The following TMEM80 variants were observed in gnomAD, a reference collection of about 807,000 sequenced individuals.
TMEM80 encodes transmembrane protein 80.
Under a neutral mutation model 13.6 loss-of-function variants are expected in TMEM80, and 16 were observed. That is an observed-to-expected ratio of 1.17 (90% CI 0.79 to 1.78). The LOEUF (loss-of-function observed/expected upper bound fraction) is 1.78, where lower values mean the gene tolerates loss of function less well. Ranked by LOEUF, TMEM80 falls within the 40% of genes most tolerant of loss-of-function variation. The pLI, the probability that TMEM80 is intolerant of heterozygous loss-of-function variation, is 0.00. For synonymous variants in TMEM80, 92 were observed against 89.5 expected, an observed-to-expected ratio of 1.03 and a Z score of -0.16; for missense variants, 167 against 184.6, an observed-to-expected ratio of 0.90 and a Z score of 0.55.
At chr11:697,601 C>T (rs551747277) in intron 1 of TMEM80, 2 of 152,184 alleles carry the variant, frequency 1.3e-5, no homozygotes, top group African/African-American at 4.8e-5. Flanking sequence ...CTAGCAGACA[C>T]ATTGGAAGTG....
Position 704,113 on chromosome 11 carries a change from G to A in TMEM80, c.*963G>A, listed in dbSNP as rs932721277. ...CACCGCATTTTGTAAATAAAGAGAT[G>A]TGTATGCCTCCCTGAATTCTCCTAA... On this transcript the variant is annotated 3_prime_UTR_variant, in exon 5 of 5. Coordinates refer to ENST00000397510, the MANE Select transcript of TMEM80 (RefSeq NM_001042463.3). 2.5e-5 allele frequency: 28 copies of A among 1,124,356 alleles called. No individual in the cohort carries two copies. In the African/African-American group the frequency reaches 3.2e-4, roughly 13 times the overall value. The allele number at this position is 1,124,356 out of a possible 1,614,324, so 69.6% of individuals were successfully genotyped here.
At chr11:699,218 ATTTT>A in intron 2 of TMEM80, 1 of 415,680 alleles carries the variant, frequency 2.4e-6, no homozygotes, top group East Asian at 4.0e-5. Flanking sequence ...ATTTTATTTT[ATTTT>A]TGTTTGTTTA....
At chr11:700,264 C>T (rs569357183) in intron 3 of TMEM80, 29 bp downstream of exon 3, 170 of 1,590,088 alleles carry the variant, frequency 1.1e-4, no homozygotes, top group East Asian at 2.9e-4. Context: ...CAGTGGCTCA[C>T]GCCTGTAATC....
chr11:701,411 T>C (rs1241870184), intron 4 of TMEM80, among the ~76,000 whole-genome samples: 3 of 131,370 alleles, frequency 2.3e-5, no homozygotes, highest in Non-Finnish European at 3.3e-5. Context: ...GGTTTCTTTT[T>C]TTTTTTTTTT....
At chr11:697,262 C>T (rs1564959829) in intron 1 of TMEM80, among the ~76,000 whole-genome samples, 1 of 152,150 alleles carries the variant, frequency 6.6e-6, no homozygotes, top group Non-Finnish European at 1.5e-5. Flanking sequence ...TCTAAAAAAA[C>T]TAAGTGTATA....
chr11:697,476 C>T (rs1463771838), intron 1 of TMEM80: 2 of 152,190 alleles, frequency 1.3e-5, no homozygotes, highest in African/African-American at 2.4e-5. Flanking sequence ...ATTGTTAGAA[C>T]AGCGTATCTG....
Position 703,134 on chromosome 11 carries a change from C to T in TMEM80, c.416C>T (p.Ala139Val), listed in dbSNP as rs145834998. The change falls in exon 5 of 5, where the codon GCG (alanine) becomes GTG (valine). Residue 139 changes from alanine to valine, a missense_variant. Coordinates refer to ENST00000397510, the MANE Select transcript of TMEM80 (RefSeq NM_001042463.3). ...GCCGTCCTGCAGGTGGTTGCCATCG[C>T]GGCCTTCACCAGGTAGCTACGGACA... ...LEAVLQVVAI[A>V]AFTR 1.1e-5 allele frequency: 17 copies of T among 1,608,102 alleles called. No individual in the cohort carries two copies. The highest frequency in any genetic ancestry group is 8.8e-5 in the South Asian group (8 of 90,568).
chr11:699,691 T>G (rs1227687077), intron 2 of TMEM80: 2 of 155,370 alleles, frequency 1.3e-5, no homozygotes, highest in African/African-American at 4.8e-5. Flanking sequence ...GAGGTTGCAG[T>G]GAGCCAAGAT....
intron 4 of TMEM80, among the ~76,000 whole-genome samples, chr11:701,391 G>C (rs1302685117): frequency 1.4e-5 from 2 of 142,014 alleles, no homozygotes; most frequent in African/African-American, 2.6e-5. Context: ...TTTTGGTAGA[G>C]ACGAGACAAG....
Position 703,946 on chromosome 11 carries a change from G to GT in TMEM80, c.*803dup, listed in dbSNP as rs1237068470. On this transcript the variant is annotated 3_prime_UTR_variant, in exon 5 of 5. Coordinates refer to ENST00000397510, the MANE Select transcript of TMEM80 (RefSeq NM_001042463.3). ...AGTGCTAAACAAATTCTAGCTCTGT[G>GT]TTTTTTTCCCATTCCCAGATTTACT... 7 of 1,242,778 alleles carry GT rather than the reference G, an allele frequency of 5.6e-6. No homozygotes were observed. In the Admixed American group the frequency reaches 1.5e-4, roughly 27 times the overall value. The allele number at this position is 1,242,778 out of a possible 1,614,324, so 77.0% of individuals were successfully genotyped here. A position where few individuals can be genotyped will look rare whatever the true frequency, so the allele number is the denominator to read the frequency against.
At chr11:704,692 T>TGA, downstream of TMEM80, 1 of 1,269,274 alleles carries the variant, frequency 7.9e-7, no homozygotes, top group African/African-American at 1.5e-5. Flanking sequence ...AAGGCAGTGG[T>TGA]CACCTGTTCC....
rs961841032 is a variant in TMEM80 at position 703,942 on chromosome 11, C to T, written c.*792C>T. ...ACGGAGTGCTAAACAAATTCTAGCT[C>T]TGTGTTTTTTTCCCATTCCCAGATT... On this transcript the variant is annotated 3_prime_UTR_variant, in exon 5 of 5. Coordinates refer to ENST00000397510, the MANE Select transcript of TMEM80 (RefSeq NM_001042463.3). 6 of 1,243,702 alleles carry T rather than the reference C, an allele frequency of 4.8e-6. No homozygotes were observed. The South Asian group carries it at 1.2e-4, about 24-fold the overall frequency. The allele number at this position is 1,243,702 out of a possible 1,614,324, so 77.0% of individuals were successfully genotyped here.
intron 3 of TMEM80, 86 bp from the exon 4 acceptor site, chr11:700,529 A>AT (rs1302802648): frequency 2.9e-6 from 3 of 1,031,978 alleles, no homozygotes; most frequent in African/African-American, 1.6e-5. Flanking sequence ...CCTGTCTCAA[A>AT]AAAAAAAAAA....
At chr11:701,901 T>C (rs1004134267) in intron 4 of TMEM80, among the ~76,000 whole-genome samples, 1 of 152,192 alleles carries the variant, frequency 6.6e-6, no homozygotes, top group African/African-American at 2.4e-5. Context: ...TCCCCAGAGC[T>C]CACCTCTGTG....
intron 2 of TMEM80, chr11:699,894 G>A: frequency 2.0e-6 from 1 of 511,060 alleles, no homozygotes; most frequent in Non-Finnish European, 3.5e-6. Flanking sequence ...GGCAGGGGCT[G>A]CAGTGCACAG....
At chr11:699,007 GA>G (rs1439050098) in intron 2 of TMEM80, 119 bp downstream of exon 2, 1 of 1,221,942 alleles carries the variant, frequency 8.2e-7, no homozygotes, top group African/African-American at 1.5e-5. Flanking sequence ...CCACTTTGGA[GA>G]GGGGGGTGTT....
At chr11:701,960 A>G (rs1389051436) in intron 4 of TMEM80, among the ~76,000 whole-genome samples, 2 of 152,178 alleles carry the variant, frequency 1.3e-5, no homozygotes, top group African/African-American at 4.8e-5. Context: ...TGGTCGTAAC[A>G]TGTGCACCTA....
chr11:699,008 A>AG (rs1156568765), intron 2 of TMEM80, 120 bp downstream of exon 2: 69 of 1,216,784 alleles, frequency 5.7e-5, no homozygotes, highest in Middle Eastern at 4.0e-4. Context: ...CACTTTGGAG[A>AG]GGGGGGTGTT....
In TMEM80 at chr11:700,653, G is replaced by A. The variant is rs148483462; in HGVS notation, c.172G>A (p.Asp58Asn). 143 of 1,613,916 alleles carry A rather than the reference G, an allele frequency of 8.9e-5. No individual in the cohort carries two copies. Among genetic ancestry groups the A allele is most frequent in the Non-Finnish European group, 1.2e-4 (137 of 1,180,036 alleles). Residue 58 changes from aspartate to asparagine, a missense_variant, in exon 4 of 5, where the codon GAT becomes AAT. Physicochemically the swap from Asp to Asn is conservative, Grantham distance 23. Transcript: ENST00000397510. ...FSYPHRYLVL[D>N]LALLFLMGIL... ...CTATCCTCACCGCTACCTGGTCCTCGATCTTGCTCTGCTGTTTCTGATGGG... is the reference window on the plus strand; with the variant it reads ...CTATCCTCACCGCTACCTGGTCCTCAATCTTGCTCTGCTGTTTCTGATGGG...
Sources: allele counts gnomAD v4.1 joint callset (sites outside exome capture counted in the v4.1 genomes callset), GRCh38; gene constraint gnomAD v4.1.1; transcripts MANE v1.5; gene names NCBI Gene and HGNC (gene_info 2026-07-23, HGNC 2026-07-21).